Variants in PRKCE observed in about 807,000 individuals in gnomAD.
PRKCE encodes protein kinase C epsilon type.
Under a neutral mutation model 85.4 loss-of-function variants are expected in PRKCE, and 16 were observed. The ratio of observed to expected loss-of-function variants is 0.19; its 90% CI spans 0.13 to 0.28. PRKCE has a LOEUF of 0.28. Among genes scored for constraint, PRKCE ranks in the 10% least tolerant of loss-of-function variants. The pLI is 1.00. For missense variants in PRKCE, 573 were observed against 975.2 expected, an observed-to-expected ratio of 0.59 and a Z score of 5.49; for synonymous variants, 388 against 371.5, an observed-to-expected ratio of 1.04 and a Z score of -0.51.
At chr2:46,019,351 G>T (rs59381379) in intron 10 of PRKCE, among the ~76,000 whole-genome samples, 4 of 151,974 alleles carry the variant, frequency 2.6e-5, no homozygotes, top group African/African-American at 9.7e-5. Context: ...GTGGGTGTGC[G>T]TGAGTGTGCC....
intron 10 of PRKCE, among the ~76,000 whole-genome samples, chr2:46,060,744 C>CTTTTTTTTTTTTT (rs112560158): frequency 7.9e-5 from 11 of 140,124 alleles, no homozygotes; most frequent in Non-Finnish European, 9.3e-5. Flanking sequence ...TTTCTCTCTC[C>CTTTTTTTTTTTTT]TTTTTTTTTT....
intron 10 of PRKCE, chr2:46,010,899 T>C: frequency 6.8e-7 from 1 of 1,477,656 alleles, no homozygotes; most frequent in Non-Finnish European, 8.9e-7. Flanking sequence ...TGAAAAAGAG[T>C]AAAGGCCACC....
chr2:45,688,321 C>G (rs958143439), intron 1 of PRKCE, among the ~76,000 whole-genome samples: 1 of 152,070 alleles, frequency 6.6e-6, no homozygotes, highest in African/African-American at 2.4e-5. Context: ...TGGCTGCTAA[C>G]TGTCTAGAAA....
intron 1 of PRKCE, among the ~76,000 whole-genome samples, chr2:45,841,130 G>A (rs376972411): frequency 6.6e-6 from 1 of 152,202 alleles, no homozygotes; most frequent in South Asian, 2.1e-4. Context: ...GATGGACAAT[G>A]TATTACAACT....
intron 6 of PRKCE, among the ~76,000 whole-genome samples, chr2:45,986,428 G>A (rs1300981984): frequency 6.6e-6 from 1 of 152,154 alleles, no homozygotes; most frequent in Admixed American, 6.5e-5. Context: ...GGAGGCGAGC[G>A]GGGATGGGCC....
intron 1 of PRKCE, among the ~76,000 whole-genome samples, chr2:45,653,267 G>A (rs1330829281): frequency 2.0e-5 from 3 of 151,386 alleles, no homozygotes; most frequent in Non-Finnish European, 1.5e-5. Flanking sequence ...TTGGAAAGAG[G>A]TCTTGTCTCA....
intron 6 of PRKCE, among the ~76,000 whole-genome samples, chr2:45,998,825 C>A (rs577152281): frequency 6.6e-6 from 1 of 152,094 alleles, no homozygotes; most frequent in Non-Finnish European, 1.5e-5. Context: ...CCTTTCTTAG[C>A]GTATCATTTA....
chr2:45,668,924 T>C (rs1305150770), intron 1 of PRKCE, among the ~76,000 whole-genome samples: 2 of 152,208 alleles, frequency 1.3e-5, no homozygotes, highest in Non-Finnish European at 2.9e-5. Flanking sequence ...GGGTGCCTCT[T>C]GGTAGGGACT....
chr2:45,970,362 A>G (rs1702026974), intron 2 of PRKCE, among the ~76,000 whole-genome samples: 1 of 152,184 alleles, frequency 6.6e-6, no homozygotes, highest in African/African-American at 2.4e-5. Flanking sequence ...TTAAGCTATT[A>G]TCTATGGGGA....
intron 11 of PRKCE, among the ~76,000 whole-genome samples, chr2:46,120,982 A>G (rs560316083): frequency 1.8e-4 from 27 of 152,232 alleles, no homozygotes; most frequent in Non-Finnish European, 3.4e-4. Flanking sequence ...CTACATGATC[A>G]GGAAGATGAT....
At chr2:45,732,512 T>C (rs2104562643) in intron 1 of PRKCE, among the ~76,000 whole-genome samples, 1 of 152,300 alleles carries the variant, frequency 6.6e-6, no homozygotes, top group African/African-American at 2.4e-5. Context: ...GAAAAAAGGT[T>C]TGAAGTCAGT....
chr2:45,748,256 T>C (rs1683291293), intron 1 of PRKCE, among the ~76,000 whole-genome samples: 1 of 152,206 alleles, frequency 6.6e-6, no homozygotes. Context: ...TGTGGCATCA[T>C]TTTCATTTTG....
chr2:45,964,341 G>T (rs148748185), intron 2 of PRKCE, among the ~76,000 whole-genome samples: 2 of 152,332 alleles, frequency 1.3e-5, no homozygotes, highest in East Asian at 3.9e-4. Context: ...GCTCCATTGT[G>T]CTCAGGTGCC....
At chr2:45,849,776 G>A (rs913974993) in intron 2 of PRKCE, among the ~76,000 whole-genome samples, 6 of 152,078 alleles carry the variant, frequency 3.9e-5, no homozygotes, top group South Asian at 2.1e-4. Context: ...TGCACCCCAC[G>A]TTACCACACC....
intron 1 of PRKCE, among the ~76,000 whole-genome samples, chr2:45,807,866 G>A (rs1418111254): frequency 3.3e-5 from 5 of 151,834 alleles, no homozygotes; most frequent in South Asian, 4.2e-4. Context: ...TGCCCCACCC[G>A]ATTTCTACTT....
intron 7 of PRKCE, among the ~76,000 whole-genome samples, chr2:46,003,408 G>T (rs1558945578): frequency 6.6e-6 from 1 of 152,306 alleles, no homozygotes; most frequent in South Asian, 2.1e-4. Flanking sequence ...CTATGCGAAG[G>T]AACAAACCTC....
Position 46,058,386 on chromosome 2 carries a change from G to A in PRKCE, c.1438-27822G>A, listed in dbSNP as rs145033952. ...GATGCTCATTGTGTGGGGATGAAAC[G>A]TCATGTTCCCAAAGGAACTGGCTCA... On this transcript the variant is annotated intron_variant, in intron 10 of 14. Coordinates refer to ENST00000306156, the MANE Select transcript of PRKCE (RefSeq NM_005400.3). 2.4e-3 allele frequency among the ~76,000 whole-genome samples: 358 copies of A among 152,334 alleles called. 1 individual carries two copies. The highest frequency in any genetic ancestry group is 7.7e-3 in the African/African-American group (322 of 41,568).
chr2:45,741,979 A>C (rs1682617233), intron 1 of PRKCE, among the ~76,000 whole-genome samples: 1 of 152,144 alleles, frequency 6.6e-6, no homozygotes, highest in South Asian at 2.1e-4. Context: ...GGGATGTAGG[A>C]AGGCAGGCTG....
chr2:46,109,572 A>T (rs1458821117), intron 11 of PRKCE, among the ~76,000 whole-genome samples: 1 of 152,084 alleles, frequency 6.6e-6, no homozygotes, highest in Admixed American at 6.5e-5. Flanking sequence ...CAACCATTCT[A>T]TTATGTTTAT....
Sources: gnomAD v4.1 joint callset for allele counts (sites outside exome capture counted in the v4.1 genomes callset) on GRCh38, gnomAD v4.1.1 for gene constraint, MANE v1.5 for transcripts, NCBI Gene and HGNC (gene_info 2026-07-23, HGNC 2026-07-21) for gene names.